The following CEP83 variants were observed in gnomAD, a reference collection of about 807,000 sequenced individuals.
CEP83 encodes the protein centrosomal protein 83, also known as centrosomal protein of 83 kDa.
A neutral mutation model predicts 101.9 loss-of-function variants in CEP83; 70 were observed. That is an observed-to-expected ratio of 0.69 (90% CI 0.57 to 0.84). The LOEUF (loss-of-function observed/expected upper bound fraction) is 0.84. Among genes scored for constraint, CEP83 ranks in the 40% least tolerant of loss-of-function variants. The pLI, the probability that CEP83 is intolerant of heterozygous loss-of-function variation, is 0.00. For missense variants in CEP83, 715 were observed against 787.2 expected, an observed-to-expected ratio of 0.91 and a Z score of 1.10; for synonymous variants, 264 against 267.9, an observed-to-expected ratio of 0.99 and a Z score of 0.14.
chr12:94,344,541 A>ACTATATTTC (rs56073903), intron 11 of CEP83, among the ~76,000 whole-genome samples: 6,887 of 152,212 alleles, frequency 0.045, 208 homozygotes, highest in Non-Finnish European at 0.072. Context: ...ATAAAAGTAA[A>ACTATATTTC]CTATATTTCT....
chr12:94,401,502 C>T (rs1415479093), intron 5 of CEP83, among the ~76,000 whole-genome samples: 1 of 152,208 alleles, frequency 6.6e-6, no homozygotes, highest in Non-Finnish European at 1.5e-5. Flanking sequence ...TAACCAGGAA[C>T]ACATGCAATT....
intron 14 of CEP83, among the ~76,000 whole-genome samples, chr12:94,317,489 G>C (rs1488687103): frequency 6.6e-6 from 1 of 152,106 alleles, no homozygotes; most frequent in Non-Finnish European, 1.5e-5. Flanking sequence ...ATCTTTGCCA[G>C]TTCCTATGTC....
At chr12:94,279,619 T>C in the CEP83 span, 1 of 1,614,240 alleles carries the variant, frequency 6.2e-7, no homozygotes, top group Non-Finnish European at 8.5e-7. Context: ...TGGCTCTCCT[T>C]ATGGACTTCA....
At chr12:94,415,284 T>C (rs2137858043) in intron 2 of CEP83, among the ~76,000 whole-genome samples, 1 of 152,180 alleles carries the variant, frequency 6.6e-6, no homozygotes, top group East Asian at 1.9e-4. Context: ...TAAGGTAAAA[T>C]GATTGTTTCA....
At chr12:94,413,733 AATG>A (rs996033805) in intron 2 of CEP83, among the ~76,000 whole-genome samples, 3 of 152,062 alleles carry the variant, frequency 2.0e-5, no homozygotes, top group Admixed American at 6.6e-5. Context: ...AGAAATAAAA[AATG>A]ATGTTTCAAA....
At chr12:94,275,854 CAAAAAAAAA>C in the CEP83 span, among the ~76,000 whole-genome samples, 3 of 23,100 alleles carry the variant, frequency 1.3e-4, no homozygotes, top group South Asian at 3.4e-3. Flanking sequence ...GACTCCGTCT[CAAAAAAAAA>C]AAAAAAAAAA....
At chr12:94,395,442 A>T (rs367657365) in intron 6 of CEP83, among the ~76,000 whole-genome samples, 9 of 152,196 alleles carry the variant, frequency 5.9e-5, no homozygotes, top group South Asian at 4.1e-4. Context: ...TATTTTTCCT[A>T]AATTAATGAT....
the CEP83 span, chr12:94,297,532 AG>A: frequency 8.2e-6 from 6 of 733,812 alleles, no homozygotes; most frequent in African/African-American, 8.9e-5. Context: ...TGTGCCTTCT[AG>A]CAAAGCAAAA....
chr12:94,423,094 T>C (rs542508728), intron 2 of CEP83, among the ~76,000 whole-genome samples: 5 of 152,278 alleles, frequency 3.3e-5, no homozygotes, highest in South Asian at 2.1e-4. Flanking sequence ...GAATTTTTTT[T>C]TTTTTCTGAG....
downstream of CEP83, among the ~76,000 whole-genome samples, chr12:94,304,609 C>T (rs1166853462): frequency 6.6e-6 from 1 of 152,100 alleles, no homozygotes; most frequent in Non-Finnish European, 1.5e-5. Context: ...CCCAATCATG[C>T]TGGGACAGGC....
chr12:94,355,268 T>C (rs2060402648), intron 11 of CEP83, among the ~76,000 whole-genome samples: 1 of 151,772 alleles, frequency 6.6e-6, no homozygotes, highest in Non-Finnish European at 1.5e-5. Context: ...CCAAGGCGGG[T>C]GGATCACGAG....
At chr12:94,274,157 A>T in the CEP83 span, among the ~76,000 whole-genome samples, 5 of 62,628 alleles carry the variant, frequency 8.0e-5, no homozygotes, top group African/African-American at 2.0e-4. Context: ...CCTGTCTCTA[A>T]AAAAAAAAAA....
rs763560797 is a variant in CEP83, at chr12:94,368,067, G to C, written c.1183C>G (p.Gln395Glu). 14 of 1,612,444 alleles carry C rather than the reference G, an allele frequency of 8.7e-6. No homozygotes were observed. Among genetic ancestry groups the C allele is most frequent in the Middle Eastern group, 3.3e-4 (2 of 6,078 alleles). ...EEGYQKLVVL[Q>E]DEKLELENRL... ...TAATTAAGTACTTACTTTTCATCTTGTAATACCACAAGTTTTTGATAACCT... is the reference window on the plus strand; with the variant it reads ...TAATTAAGTACTTACTTTTCATCTTCTAATACCACAAGTTTTTGATAACCT... The change falls in exon 10 of 17, where the codon CAA becomes GAA. Residue 395 changes from glutamine to glutamate, a missense_variant. Transcript: ENST00000397809.
In CEP83 at chr12:94,428,996, T is replaced by A. The variant is rs2065414207; in HGVS notation, c.-102+6279A>T. ...TATGATGGTCAGTGGAATATACTTG[T>A]TAACCAACAATTGCTGACTGAATAA... On this transcript the variant is annotated intron_variant, in intron 2 of 16. Transcript: ENST00000397809. Among the ~76,000 whole-genome samples the A allele has an allele frequency of 2.6e-5, 4 of 152,354 alleles. No homozygotes were observed. In the South Asian group the frequency reaches 6.2e-4, roughly 24 times the overall value.
At chr12:94,293,178 TTTCA>T in the CEP83 span, among the ~76,000 whole-genome samples, 1 of 152,204 alleles carries the variant, frequency 6.6e-6, no homozygotes, top group Non-Finnish European at 1.5e-5. Context: ...GTTTGCTCAT[TTTCA>T]TTGTTTTATA....
chr12:94,439,196 A>T (rs1169984916), intron 1 of CEP83, among the ~76,000 whole-genome samples: 1 of 152,174 alleles, frequency 6.6e-6, no homozygotes, highest in African/African-American at 2.4e-5. Flanking sequence ...AAATTGAAAC[A>T]CAACAACAAG....
chr12:94,419,545 A>G (rs533899553), intron 2 of CEP83, among the ~76,000 whole-genome samples: 1 of 152,294 alleles, frequency 6.6e-6, no homozygotes, highest in East Asian at 1.9e-4. Context: ...GGCCAACAAC[A>G]GTGGAAATGA....
chr12:94,331,356 C>T (rs1459033251), intron 14 of CEP83, among the ~76,000 whole-genome samples: 11 of 105,228 alleles, frequency 1.0e-4, no homozygotes, highest in South Asian at 6.5e-4. Context: ...CACCTTTTTT[C>T]CTTTTTTTTT....
chr12:94,321,460 G>A (rs561305015), intron 14 of CEP83, among the ~76,000 whole-genome samples: 146 of 152,312 alleles, frequency 9.6e-4, no homozygotes, highest in African/African-American at 3.3e-3. Flanking sequence ...GAGTTCTTCC[G>A]TTGATTCCTT....
Sources: gnomAD v4.1 joint callset for allele counts (sites outside exome capture counted in the v4.1 genomes callset) on GRCh38, gnomAD v4.1.1 for gene constraint, MANE v1.5 for transcripts, NCBI Gene and HGNC (gene_info 2026-07-23, HGNC 2026-07-21) for gene names.